PPARGC1A: variants seen among roughly 807,000 people sequenced by gnomAD.
PPARGC1A encodes PPARG coactivator 1 alpha.
In PPARGC1A, 25 loss-of-function variants were observed where a neutral mutation model predicts 88.7. The observed-to-expected ratio is 0.28, with a 90% CI of 0.21 to 0.39. The LOEUF is 0.39. Ranked by LOEUF, PPARGC1A falls within the 10% of genes least tolerant of loss-of-function variation. The probability of loss-of-function intolerance (pLI) is 1.00; values close to 1 mark genes in which losing one functional copy is unlikely to be tolerated. For synonymous variants in PPARGC1A, 363 were observed against 355.6 expected, an observed-to-expected ratio of 1.02 and a Z score of -0.24; for missense variants, 880 against 968.7, an observed-to-expected ratio of 0.91 and a Z score of 1.22.
chr4:23,927,973 G>T, the PPARGC1A span, among the ~76,000 whole-genome samples: 1 of 152,146 alleles, frequency 6.6e-6, no homozygotes, highest in African/African-American at 2.4e-5. Flanking sequence ...TCGTGAAGCA[G>T]TTGAGGAGTT....
At chr4:24,115,387 G>C in the PPARGC1A span, among the ~76,000 whole-genome samples, 1 of 152,030 alleles carries the variant, frequency 6.6e-6, no homozygotes, top group Non-Finnish European at 1.5e-5. Flanking sequence ...TTCTGGCAAA[G>C]GGCAGGTAGC....
the PPARGC1A span, among the ~76,000 whole-genome samples, chr4:24,333,106 G>T: frequency 4.8e-3 from 734 of 152,312 alleles, 5 homozygotes; most frequent in African/African-American, 0.017. Flanking sequence ...GCTGGGCGTG[G>T]TGACACGCGC....
the PPARGC1A span, among the ~76,000 whole-genome samples, chr4:24,128,695 A>G: frequency 6.6e-6 from 1 of 151,882 alleles, no homozygotes; most frequent in Non-Finnish European, 1.5e-5. Flanking sequence ...CCATGGTATT[A>G]TCAGATTAGA....
the PPARGC1A span, among the ~76,000 whole-genome samples, chr4:23,923,768 A>G: frequency 6.6e-6 from 1 of 152,222 alleles, no homozygotes; most frequent in Non-Finnish European, 1.5e-5. Context: ...CTTTTTCTTG[A>G]GATAAAATAT....
chr4:24,216,780 G>C, the PPARGC1A span, among the ~76,000 whole-genome samples: 2 of 152,134 alleles, frequency 1.3e-5, no homozygotes, highest in Non-Finnish European at 2.9e-5. Context: ...AATGAAGTTA[G>C]TAAGCACCCG....
chr4:24,273,191 G>C, the PPARGC1A span, among the ~76,000 whole-genome samples: 1 of 152,220 alleles, frequency 6.6e-6, no homozygotes, highest in African/African-American at 2.4e-5. Flanking sequence ...TAAAGTGGGA[G>C]AGCTTGGGGA....
At chr4:24,023,998 C>T in the PPARGC1A span, among the ~76,000 whole-genome samples, 1 of 152,166 alleles carries the variant, frequency 6.6e-6, no homozygotes, top group East Asian at 1.9e-4. Flanking sequence ...CTGGGCTGTC[C>T]ATACTGCAAA....
At chr4:23,852,580 T>C (rs1446227173) in intron 2 of PPARGC1A, among the ~76,000 whole-genome samples, 1 of 151,630 alleles carries the variant, frequency 6.6e-6, no homozygotes, top group Non-Finnish European at 1.5e-5. Flanking sequence ...CCCTCCCCCA[T>C]TTTTCTACCT....
At chr4:24,246,702 G>T in the PPARGC1A span, among the ~76,000 whole-genome samples, 1 of 152,178 alleles carries the variant, frequency 6.6e-6, no homozygotes, top group Non-Finnish European at 1.5e-5. Context: ...CTGTGAGATT[G>T]TAACACTAGT....
intron 7 of PPARGC1A, among the ~76,000 whole-genome samples, chr4:23,821,683 G>A (rs983635042): frequency 1.3e-5 from 2 of 151,790 alleles, no homozygotes; most frequent in East Asian, 1.9e-4. Flanking sequence ...ATATAATAAG[G>A]GGGCACTCAT....
the PPARGC1A span, among the ~76,000 whole-genome samples, chr4:24,375,818 A>G: frequency 6.6e-6 from 1 of 152,118 alleles, no homozygotes; most frequent in Non-Finnish European, 1.5e-5. Context: ...GAAGAGTGAG[A>G]TAAAAGCAGC....
At chr4:23,883,237 A>C (rs1255029911) in intron 2 of PPARGC1A, 1 of 152,066 alleles carries the variant, frequency 6.6e-6, no homozygotes, top group Non-Finnish European at 1.5e-5. Context: ...CCCAGTCCAA[A>C]CTCTACTACC....
chr4:23,995,948 T>A, the PPARGC1A span, among the ~76,000 whole-genome samples: 1 of 152,136 alleles, frequency 6.6e-6, no homozygotes, highest in Non-Finnish European at 1.5e-5. Context: ...TCACCAGCCT[T>A]CCAAAGGACA....
chr4:24,428,884 A>G, the PPARGC1A span, among the ~76,000 whole-genome samples: 3 of 152,214 alleles, frequency 2.0e-5, no homozygotes, highest in African/African-American at 7.2e-5. Context: ...GCCATGGGAT[A>G]ATCTCAGGCA....
the PPARGC1A span, among the ~76,000 whole-genome samples, chr4:24,320,990 GT>G: frequency 6.6e-6 from 1 of 152,066 alleles, no homozygotes; most frequent in African/African-American, 2.4e-5. Context: ...CCAGGTCCCC[GT>G]TTTCTCTCAC....
At chr4:23,811,742 G>C (rs2109434799) in intron 10 of PPARGC1A, among the ~76,000 whole-genome samples, 1 of 152,080 alleles carries the variant, frequency 6.6e-6, no homozygotes, top group Non-Finnish European at 1.5e-5. Flanking sequence ...TACACAGAAG[G>C]GTCAGCACTG....
At chr4:24,122,086 G>C in the PPARGC1A span, among the ~76,000 whole-genome samples, 1 of 152,072 alleles carries the variant, frequency 6.6e-6, no homozygotes, top group East Asian at 1.9e-4. Context: ...GACAGCAAAG[G>C]GTTTGGGTTC....
the PPARGC1A span, chr4:24,258,077 G>T: frequency 2.9e-6 from 1 of 350,310 alleles, no homozygotes; most frequent in Non-Finnish European, 4.0e-6. Context: ...CCTCAAAGAA[G>T]TCAGATTATC....
the PPARGC1A span, among the ~76,000 whole-genome samples, chr4:24,083,017 G>A: frequency 6.6e-6 from 1 of 152,152 alleles, no homozygotes; most frequent in African/African-American, 2.4e-5. Context: ...ATTTGCATTT[G>A]TTCATTCATG....
Sources: gnomAD v4.1 joint callset for allele counts (sites outside exome capture counted in the v4.1 genomes callset) on GRCh38, gnomAD v4.1.1 for gene constraint, MANE v1.5 for transcripts, NCBI Gene and HGNC (gene_info 2026-07-23, HGNC 2026-07-21) for gene names.